Variants in KHDRBS2 observed in about 807,000 individuals in gnomAD.
KHDRBS2 encodes KH RNA binding domain containing, signal transduction associated 2.
A neutral mutation model predicts 44.3 loss-of-function variants in KHDRBS2; 26 were observed. That is an observed-to-expected ratio of 0.59 (90% confidence interval 0.43 to 0.81). KHDRBS2 has a LOEUF of 0.81. KHDRBS2 is among the 40% of genes least tolerant of loss of function. The pLI is 0.00. For missense variants in KHDRBS2, 476 were observed against 433.1 expected, an observed-to-expected ratio of 1.10 and a Z score of -0.88; for synonymous variants, 194 against 151.1, an observed-to-expected ratio of 1.28 and a Z score of -2.08.
rs117458469 is a variant in KHDRBS2, at chr6:62,168,651, A to T, written c.219+8534T>A. On this transcript the variant is annotated intron_variant, in intron 2 of 8. Transcript: ENST00000281156. ...GAATTTTAATCATTTCTCCAAGGGTAATAATTGTCTTCATTAATATCAACT... is the reference window on the plus strand; with the variant it reads ...GAATTTTAATCATTTCTCCAAGGGTTATAATTGTCTTCATTAATATCAACT... Among the ~76,000 whole-genome samples the T allele has an allele frequency of 1.8e-3, 280 of 152,268 alleles. 3 individuals are homozygous for T. In the East Asian group the frequency reaches 0.039, roughly 21 times the overall value.
chr6:62,069,817 G>T (rs1331657246), intron 2 of KHDRBS2, among the ~76,000 whole-genome samples: 6 of 151,704 alleles, frequency 4.0e-5, no homozygotes, highest in Admixed American at 3.3e-4. Flanking sequence ...TCTCAATTGA[G>T]AATGGTATCA....
At chr6:62,242,061 C>G (rs979303233) in intron 1 of KHDRBS2, among the ~76,000 whole-genome samples, 2 of 152,128 alleles carry the variant, frequency 1.3e-5, no homozygotes, top group African/African-American at 4.8e-5. Flanking sequence ...ACTTTACACA[C>G]TTTTCACTTT....
chr6:61,834,753 A>G (rs1315621030), intron 6 of KHDRBS2, among the ~76,000 whole-genome samples: 1 of 152,068 alleles, frequency 6.6e-6, no homozygotes, highest in Non-Finnish European at 1.5e-5. Flanking sequence ...CATAAAATCA[A>G]TAAATCTTAA....
the KHDRBS2 span, among the ~76,000 whole-genome samples, chr6:61,577,038 G>A: frequency 2.0e-5 from 3 of 151,982 alleles, no homozygotes; most frequent in African/African-American, 7.2e-5. Flanking sequence ...ACTGTATTGT[G>A]GGTAGAATCT....
intron 2 of KHDRBS2, among the ~76,000 whole-genome samples, chr6:62,083,997 C>G (rs756257386): frequency 1.3e-5 from 2 of 152,114 alleles, no homozygotes; most frequent in Non-Finnish European, 2.9e-5. Context: ...AAATAAAATG[C>G]ATTTCTAATT....
intron 2 of KHDRBS2, among the ~76,000 whole-genome samples, chr6:62,071,426 C>T (rs530562222): frequency 1.4e-4 from 22 of 152,248 alleles, no homozygotes; most frequent in Middle Eastern, 6.8e-3. Context: ...ATGCCTATGT[C>T]CTGAATGGTA....
intron 1 of KHDRBS2, among the ~76,000 whole-genome samples, chr6:62,185,288 CAT>C (rs1308321218): frequency 2.0e-5 from 3 of 151,798 alleles, no homozygotes; most frequent in African/African-American, 7.3e-5. Flanking sequence ...TGTTTTACAT[CAT>C]AGAAAAATAA....
At chr6:61,700,586 A>G (rs1299582542) in intron 7 of KHDRBS2, among the ~76,000 whole-genome samples, 1 of 151,408 alleles carries the variant, frequency 6.6e-6, no homozygotes, top group African/African-American at 2.4e-5. Context: ...TAGTGAATAC[A>G]CCCTTTCAGC....
intron 3 of KHDRBS2, among the ~76,000 whole-genome samples, chr6:62,046,184 C>A (rs1336407916): frequency 2.0e-5 from 3 of 151,840 alleles, no homozygotes; most frequent in African/African-American, 7.2e-5. Flanking sequence ...TTAATAGAAG[C>A]AAATTTGTTT....
chr6:62,212,315 T>C (rs1211973936), intron 1 of KHDRBS2, among the ~76,000 whole-genome samples: 1 of 151,664 alleles, frequency 6.6e-6, no homozygotes, highest in East Asian at 1.9e-4. Flanking sequence ...TGTATATACA[T>C]ACAGAGGGAG....
chr6:62,196,099 G>A (rs1252999300), intron 1 of KHDRBS2, among the ~76,000 whole-genome samples: 1 of 152,070 alleles, frequency 6.6e-6, no homozygotes, highest in Non-Finnish European at 1.5e-5. Context: ...TATAAAAAGA[G>A]TCAAATTTTC....
At chr6:61,619,779 A>G in the KHDRBS2 span, among the ~76,000 whole-genome samples, 1 of 152,056 alleles carries the variant, frequency 6.6e-6, no homozygotes, top group East Asian at 1.9e-4. Context: ...GCTGAGTAGT[A>G]TTCCATGATG....
At chr6:61,636,029 C>G in the KHDRBS2 span, among the ~76,000 whole-genome samples, 1 of 152,006 alleles carries the variant, frequency 6.6e-6, no homozygotes, top group Non-Finnish European at 1.5e-5. Context: ...ACTTGTCTTC[C>G]TTTCTTATCC....
At chr6:62,081,227 TAAAAG>T (rs995173266) in intron 2 of KHDRBS2, among the ~76,000 whole-genome samples, 6 of 152,142 alleles carry the variant, frequency 3.9e-5, no homozygotes, top group African/African-American at 1.4e-4. Context: ...AGAAATGTGC[TAAAAG>T]ATACAGTACA....
chr6:61,586,261 G>A, the KHDRBS2 span, among the ~76,000 whole-genome samples: 481 of 152,292 alleles, frequency 3.2e-3, 2 homozygotes, highest in Non-Finnish European at 5.1e-3. Flanking sequence ...CAAGCTTCAA[G>A]GAGCATGTGT....
At chr6:61,833,548 T>C (rs1250395567) in intron 6 of KHDRBS2, among the ~76,000 whole-genome samples, 1 of 152,186 alleles carries the variant, frequency 6.6e-6, no homozygotes, top group Admixed American at 6.6e-5. Flanking sequence ...AGGTGTTTAT[T>C]TGGAAGACAT....
intron 7 of KHDRBS2, among the ~76,000 whole-genome samples, chr6:61,699,370 T>C (rs905661623): frequency 6.6e-6 from 1 of 152,082 alleles, no homozygotes; most frequent in African/African-American, 2.4e-5. Flanking sequence ...TATATTTTCC[T>C]TCAAATACAC....
chr6:61,911,231 T>A (rs1805995609), intron 4 of KHDRBS2, among the ~76,000 whole-genome samples: 1 of 152,174 alleles, frequency 6.6e-6, no homozygotes, highest in Non-Finnish European at 1.5e-5. Flanking sequence ...AGGGATGCAT[T>A]TAACCTGTTA....
intron 4 of KHDRBS2, among the ~76,000 whole-genome samples, chr6:61,936,163 T>C (rs1280342522): frequency 6.6e-6 from 1 of 152,128 alleles, no homozygotes; most frequent in African/African-American, 2.4e-5. Flanking sequence ...AAATATGGTA[T>C]GTACATACAT....
Sources: allele counts gnomAD v4.1 joint callset (sites outside exome capture counted in the v4.1 genomes callset), GRCh38; gene constraint gnomAD v4.1.1; transcripts MANE v1.5; gene names NCBI Gene and HGNC (gene_info 2026-07-23, HGNC 2026-07-21).